Variants in KCNH1 observed in about 807,000 individuals in gnomAD.
KCNH1 encodes potassium voltage-gated channel subfamily H member 1, also known as voltage-gated delayed rectifier potassium channel KCNH1.
KCNH1 carries 27 observed loss-of-function variants against 69.2 expected under a neutral mutation model. That is an observed-to-expected ratio of 0.39 (90% CI 0.29 to 0.54). KCNH1 has a LOEUF of 0.54. Among genes scored for constraint, KCNH1 ranks in the 20% least tolerant of loss-of-function variants. The pLI, the probability that KCNH1 is intolerant of heterozygous loss-of-function variation, is 0.68. For synonymous variants in KCNH1, 456 were observed against 487.7 expected (o/e 0.93, Z 0.86); for missense variants, 798 against 1,261.6 (o/e 0.63, Z 5.57).
chr1:210,940,440 A>C (rs1248160305), intron 6 of KCNH1, among the ~76,000 whole-genome samples: 18 of 152,212 alleles, frequency 1.2e-4, no homozygotes, highest in Non-Finnish European at 1.5e-5. Flanking sequence ...TGTTGACTAC[A>C]TTCAGGGGAA....
intron 1 of KCNH1, among the ~76,000 whole-genome samples, chr1:211,128,116 C>A (rs573274968): frequency 6.6e-6 from 1 of 152,124 alleles, no homozygotes; most frequent in East Asian, 1.9e-4. Context: ...TGGTGAAACC[C>A]TGTATCTACT....
In KCNH1 at chr1:210,837,262, G is replaced by C. The variant is rs535523846; in HGVS notation, c.1463-33096C>G. Reference sequence around the variant, plus strand: ...GCTTTTCTCGACAGCATCTGGGCTGGGCTAGCCACCCTTCCCCTGTGTTCC... The same window carrying C: ...GCTTTTCTCGACAGCATCTGGGCTGCGCTAGCCACCCTTCCCCTGTGTTCC... On this transcript the variant is annotated intron_variant, in intron 7 of 10. Transcript: ENST00000271751. Among the ~76,000 whole-genome samples the C allele has an allele frequency of 2.0e-5, 3 of 152,158 alleles. No homozygotes were observed. In the South Asian group the frequency reaches 6.2e-4, roughly 32 times the overall value.
chr1:211,105,970 A>G (rs902948042), intron 2 of KCNH1, among the ~76,000 whole-genome samples: 1 of 152,266 alleles, frequency 6.6e-6, no homozygotes, highest in Non-Finnish European at 1.5e-5. Context: ...AACATTTGAT[A>G]CTTCCTTCTT....
At chr1:210,922,899 A>T (rs997239251) in intron 6 of KCNH1, among the ~76,000 whole-genome samples, 3 of 152,206 alleles carry the variant, frequency 2.0e-5, no homozygotes, top group African/African-American at 7.2e-5. Context: ...CCACCTCCTC[A>T]TAAGGAGGTC....
intron 7 of KCNH1, among the ~76,000 whole-genome samples, chr1:210,898,334 G>A (rs73071540): frequency 0.041 from 6,213 of 152,142 alleles, 435 homozygotes; most frequent in African/African-American, 0.14. Flanking sequence ...TATTCTACTC[G>A]AAACAATAAA....
At chr1:211,025,245 T>C (rs1689663751) in intron 5 of KCNH1, among the ~76,000 whole-genome samples, 1 of 152,168 alleles carries the variant, frequency 6.6e-6, no homozygotes, top group Admixed American at 6.5e-5. Context: ...GAACTTCTTG[T>C]TACCCCTAGA....
intron 10 of KCNH1, among the ~76,000 whole-genome samples, chr1:210,731,278 G>A (rs539691156): frequency 6.6e-6 from 1 of 152,136 alleles, no homozygotes; most frequent in Admixed American, 6.5e-5. Context: ...TATACTTGGA[G>A]TTAAAAAATG....
At chr1:210,715,798 G>C (rs1682218263) in intron 10 of KCNH1, among the ~76,000 whole-genome samples, 1 of 152,118 alleles carries the variant, frequency 6.6e-6, no homozygotes, top group Non-Finnish European at 1.5e-5. Flanking sequence ...GAGTTATGTA[G>C]CTCAACCAAC....
At chr1:210,964,106 C>A (rs1389022070) in intron 6 of KCNH1, among the ~76,000 whole-genome samples, 1 of 152,150 alleles carries the variant, frequency 6.6e-6, no homozygotes, top group Non-Finnish European at 1.5e-5. Flanking sequence ...GGCAGAAACC[C>A]CACAAGCCAG....
chr1:210,807,991 C>T (rs1037270885), intron 7 of KCNH1, among the ~76,000 whole-genome samples: 7 of 152,250 alleles, frequency 4.6e-5, no homozygotes, highest in African/African-American at 9.6e-5. Flanking sequence ...CAAAAGGAGC[C>T]GGACAAAAAG....
chr1:210,749,442 A>G (rs1273147134), intron 10 of KCNH1, among the ~76,000 whole-genome samples: 1 of 152,170 alleles, frequency 6.6e-6, no homozygotes. Flanking sequence ...ACAGGGCCCT[A>G]GTGGTAATGA....
At chr1:210,721,814 A>C (rs918838451) in intron 10 of KCNH1, among the ~76,000 whole-genome samples, 7 of 152,012 alleles carry the variant, frequency 4.6e-5, no homozygotes, top group Non-Finnish European at 1.0e-4. Context: ...TAAATAAATA[A>C]ATAAATAAAT....
At chr1:211,001,234 G>A (rs1423263401) in intron 6 of KCNH1, among the ~76,000 whole-genome samples, 3 of 152,138 alleles carry the variant, frequency 2.0e-5, no homozygotes, top group African/African-American at 7.2e-5. Flanking sequence ...GCAACCTACA[G>A]AGTGGGAGAA....
chr1:211,051,226 G>A (rs531567624), intron 5 of KCNH1, among the ~76,000 whole-genome samples: 3 of 152,056 alleles, frequency 2.0e-5, no homozygotes, highest in Non-Finnish European at 2.9e-5. Flanking sequence ...TCAAGCTCTC[G>A]ATCTCAGGTG....
chr1:210,911,709 G>A lies in KCNH1; in HGVS notation c.1462+7931C>T, dbSNP rs111519587. 5.5e-3 allele frequency among the ~76,000 whole-genome samples: 826 copies of A among 151,442 alleles called. 5 individuals carry two copies. The highest frequency in any genetic ancestry group is 8.4e-3 in the Non-Finnish European group (573 of 67,950). On this transcript the variant is annotated intron_variant, in intron 7 of 10. Coordinates refer to ENST00000271751, the MANE Select transcript of KCNH1 (RefSeq NM_172362.3). ...AAGATCAGAGACAATGACCCTTATC[G>A]GTTGGCATTCCATCATTAAAGCTTC...
chr1:211,116,693 C>G (rs547536848), intron 1 of KCNH1, among the ~76,000 whole-genome samples: 3 of 152,142 alleles, frequency 2.0e-5, no homozygotes, highest in Non-Finnish European at 4.4e-5. Flanking sequence ...TATGCCCCAG[C>G]CTGGTGGGGA....
At chr1:211,077,315 C>T (rs568352368) in intron 5 of KCNH1, among the ~76,000 whole-genome samples, 42 of 152,080 alleles carry the variant, frequency 2.8e-4, no homozygotes, top group Non-Finnish European at 3.8e-4. Context: ...TCAGATTCAC[C>T]AAGGTTGAAA....
chr1:210,768,438 C>T (rs1352334567), intron 10 of KCNH1, among the ~76,000 whole-genome samples: 1 of 152,176 alleles, frequency 6.6e-6, no homozygotes, highest in Non-Finnish European at 1.5e-5. Context: ...TTCTACCAGC[C>T]AAACTATTAT....
At chr1:210,785,574 G>T (rs752867728) in intron 9 of KCNH1, among the ~76,000 whole-genome samples, 5 of 151,990 alleles carry the variant, frequency 3.3e-5, no homozygotes, top group African/African-American at 1.2e-4. Flanking sequence ...TAGTAGAGAC[G>T]GGGTGTTTCA....
Sources: allele counts gnomAD v4.1 joint callset (sites outside exome capture counted in the v4.1 genomes callset), GRCh38; gene constraint gnomAD v4.1.1; transcripts MANE v1.5; gene names NCBI Gene and HGNC (gene_info 2026-07-23, HGNC 2026-07-21).